The following SLC15A2 variants were observed in gnomAD, a reference collection of about 807,000 sequenced individuals.
SLC15A2 encodes the protein kidney H(+)/peptide cotransporter.
In SLC15A2, 77 loss-of-function variants were observed where a neutral mutation model predicts 95.5. The observed-to-expected ratio is 0.81, with a 90% CI of 0.67 to 0.97. The LOEUF is 0.97. Among genes scored for constraint, SLC15A2 ranks in the 50% least tolerant of loss-of-function variants. The pLI is 0.00. For missense variants in SLC15A2, 893 were observed against 874.4 expected (o/e 1.02, Z -0.27); for synonymous variants, 306 against 306.9 (o/e 1.00, Z 0.03).
At chr3:121,940,695 G>A in intron 21 of SLC15A2, 136 bp from the exon 22 acceptor site, 1 of 955,652 alleles carries the variant, frequency 1.0e-6, no homozygotes, top group South Asian at 1.7e-5. Flanking sequence ...AGAGGCCAGT[G>A]AACCCAGTCT....
Position 121,923,233 on chromosome 3 carries a change from G to T in SLC15A2, c.969G>T (p.Trp323Cys), listed in dbSNP as rs1368622343. ...WALLDQQGSR[W>C]TLQAIRMNRN... ...TCTGTTTGCCCTAGGGTTCACGATG[G>T]ACTTTGCAAGCCATCAGGATGAATA... Residue 323 changes from tryptophan (W) to cysteine (C), a missense_variant, in exon 11 of 22, where the codon TGG (tryptophan) becomes TGT (cysteine). Transcript: ENST00000489711. 1.2e-6 allele frequency: 2 copies of T among 1,613,846 alleles called. No individual in the cohort carries two copies. The highest frequency in any genetic ancestry group is 3.3e-5 in the Admixed American group (2 of 59,992).
At position 121,941,800 on chromosome 3, in the gene SLC15A2, C is replaced by T. The variant is rs1343424676; in HGVS notation, c.*793C>T. ...TTTTACAGAGTACATTCTTCTTAGC[C>T]TCTATGGCGCTGGTCTATGCCCTTC... On this transcript the variant is annotated 3_prime_UTR_variant, in exon 22 of 22. Transcript: ENST00000489711. 6.6e-6 allele frequency: 1 copy of T among 152,182 alleles called. No individual in the cohort carries two copies. The highest frequency in any genetic ancestry group is 2.4e-5 in the African/African-American group (1 of 41,446). The allele number at this position is 152,182 out of a possible 1,614,324, so 9.4% of individuals were successfully genotyped here. A position where few individuals can be genotyped will look rare whatever the true frequency, so the allele number is the denominator to read the frequency against.
chr3:121,914,198 A>C (rs1709831539), intron 5 of SLC15A2, among the ~76,000 whole-genome samples: 1 of 152,220 alleles, frequency 6.6e-6, no homozygotes, highest in African/African-American at 2.4e-5. Context: ...TACAAATTAG[A>C]TAAGTGGAAT....
rs773958851 is a variant in SLC15A2, at chr3:121,928,499, A to G, written c.1285A>G (p.Thr429Ala). Residue 429 changes from threonine (T) to alanine (A), a missense_variant, in exon 15 of 22, where the codon ACA (threonine) becomes GCA (alanine). Physicochemically the swap from Thr to Ala is moderately conservative, Grantham distance 58 (BLOSUM62 0). Coordinates refer to ENST00000489711, the MANE Select transcript of SLC15A2 (RefSeq NM_021082.4). ...TCTGGCAGATGATGAGGTGAAGGTGACAGTGGTGGGAAATGAAAACAATTC... is the reference window on the plus strand; with the variant it reads ...TCTGGCAGATGATGAGGTGAAGGTGGCAGTGGTGGGAAATGAAAACAATTC... ...LNLADDEVKVTVVGNENNSLL... is the reference protein window; with the variant it reads ...LNLADDEVKVAVVGNENNSLL... The G allele has an allele frequency of 6.2e-7, 1 of 1,614,106 alleles. No individual in the cohort carries two copies. The highest frequency in any genetic ancestry group is 8.5e-7 in the Non-Finnish European group (1 of 1,179,926).
chr3:121,899,580 C>T (rs1463440517), intron 3 of SLC15A2, among the ~76,000 whole-genome samples: 1 of 152,114 alleles, frequency 6.6e-6, no homozygotes, highest in East Asian at 1.9e-4. Context: ...CTTTCTCACT[C>T]TTCATTATCA....
At chr3:121,914,385 T>C (rs1709837916) in intron 5 of SLC15A2, among the ~76,000 whole-genome samples, 3 of 152,128 alleles carry the variant, frequency 2.0e-5, no homozygotes, top group Admixed American at 2.0e-4. Context: ...TGGTAACTGC[T>C]CCACAAAGAT....
At chr3:121,924,217 C>T (rs1710065346) in intron 11 of SLC15A2, 134 bp from the exon 12 acceptor site, 1 of 721,588 alleles carries the variant, frequency 1.4e-6, no homozygotes, top group Non-Finnish European at 2.4e-6. Flanking sequence ...AAAATAGTGG[C>T]CCTGAACCAA....
chr3:121,922,945 C>A, intron 9 of SLC15A2, 84 bp downstream of exon 9: 1 of 1,528,502 alleles, frequency 6.5e-7, no homozygotes, highest in Non-Finnish European at 9.0e-7. Flanking sequence ...TGCATTCAAC[C>A]TCCTCTCTAC....
At chr3:121,924,189 C>T (rs544139521) in intron 11 of SLC15A2, among the ~76,000 whole-genome samples, 162 bp from the exon 12 acceptor site, 1 of 152,166 alleles carries the variant, frequency 6.6e-6, no homozygotes, top group Non-Finnish European at 1.5e-5. Context: ...TTCCCATCCC[C>T]CAAATAATCT....
In SLC15A2 at chr3:121,915,498, AG is replaced by A. The variant is rs369910216; in HGVS notation, c.620-115del. The A allele has an allele frequency of 1.5e-3, 1,289 of 832,718 alleles. 19 individuals are homozygous for A. In the African/African-American group the frequency reaches 0.02, roughly 13 times the overall value. The allele number at this position is 832,718 out of a possible 1,614,324, so 51.6% of individuals were successfully genotyped here. The stretch of plus-strand genomic sequence containing the variant: ...TATGGATTAGGTGATGGGAGGAAAG[AG>A]GGTGGTTATGTCTATTCTACAAGCT... On this transcript the variant is annotated intron_variant, in intron 6 of 21. Transcript: ENST00000489711.
At chr3:121,924,217 C>A in intron 11 of SLC15A2, 134 bp from the exon 12 acceptor site, 1 of 721,586 alleles carries the variant, frequency 1.4e-6, no homozygotes, top group Non-Finnish European at 2.4e-6. Context: ...AAAATAGTGG[C>A]CCTGAACCAA....
Position 121,939,416 on chromosome 3 carries a change from G to A in SLC15A2, c.1829G>A (p.Trp610Ter), listed in dbSNP as rs776521660. 2 of 1,581,202 alleles carry A rather than the reference G, an allele frequency of 1.3e-6. No individual in the cohort carries two copies. Among genetic ancestry groups the A allele is most frequent in the South Asian group, 2.3e-5 (2 of 85,748 alleles). The change falls in exon 20 of 22, where the codon TGG (tryptophan) becomes TAG (stop). Residue 610 changes from tryptophan (W) to a stop codon, truncating the protein, a stop_gained. Coordinates refer to ENST00000489711, the MANE Select transcript of SLC15A2 (RefSeq NM_021082.4). LOFTEE classifies it high-confidence loss of function. ...DIPANKMSIA[W>*]QLPQYALVTA... ...CCAGCCAACAAAATGTCCATTGCGT[G>A]GCAGCTACCACAATATGCCCTGGTT... is the stretch of plus-strand genomic sequence containing the variant.
At chr3:121,907,742 G>T (rs966180085) in intron 3 of SLC15A2, among the ~76,000 whole-genome samples, 3 of 152,176 alleles carry the variant, frequency 2.0e-5, no homozygotes, top group Admixed American at 6.5e-5. Flanking sequence ...CCTTCCTCTG[G>T]AAACTTCGTC....
chr3:121,898,771 T>C (rs1400850885), intron 3 of SLC15A2, among the ~76,000 whole-genome samples: 2 of 152,212 alleles, frequency 1.3e-5, no homozygotes, highest in African/African-American at 4.8e-5. Flanking sequence ...CTATGGAATA[T>C]TTTTTCTGGA....
chr3:121,896,999 T>C (rs1709430748), intron 2 of SLC15A2, among the ~76,000 whole-genome samples: 3 of 148,758 alleles, frequency 2.0e-5, no homozygotes, highest in East Asian at 4.2e-4. Context: ...AGCTCTTGGC[T>C]AAGGGCTCAT....
chr3:121,924,682 G>A (rs543493102), intron 12 of SLC15A2, among the ~76,000 whole-genome samples: 1 of 152,324 alleles, frequency 6.6e-6, no homozygotes, highest in Admixed American at 6.5e-5. Flanking sequence ...GAAGTCATGA[G>A]AGGAAAGAGC....
At chr3:121,922,429 A>C (rs568077128) in intron 8 of SLC15A2, 127 bp downstream of exon 8, 1 of 696,194 alleles carries the variant, frequency 1.4e-6, no homozygotes, top group East Asian at 2.7e-5. Flanking sequence ...CATGTTTTTT[A>C]ACAAGCTAAG....
Position 121,942,558 on chromosome 3 carries a change from A to C in SLC15A2, c.*1551A>C, listed in dbSNP as rs762204947. Reference sequence around the variant, plus strand: ...CTTTATATACTTCAGTTTTAATGACAAGCATTTCAGAAATATAAGAGCGGC... The same window carrying C: ...CTTTATATACTTCAGTTTTAATGACCAGCATTTCAGAAATATAAGAGCGGC... On this transcript the variant is annotated 3_prime_UTR_variant, in exon 22 of 22. Coordinates refer to ENST00000489711, the MANE Select transcript of SLC15A2 (RefSeq NM_021082.4). The C allele has an allele frequency of 1.3e-5, 2 of 152,224 alleles. No individual in the cohort carries two copies. Among genetic ancestry groups the C allele is most frequent in the Non-Finnish European group, 2.9e-5 (2 of 68,030 alleles). The allele number at this position is 152,224 out of a possible 1,614,324, so 9.4% of individuals were successfully genotyped here.
chr3:121,922,698 G>A lies in SLC15A2; in HGVS notation c.781-77G>A, dbSNP rs1381909479. ...AGTCACTAGAAGTATGGTGTTTGAA[G>A]GAAGGTATAATAAGTTGGAAAAGGC... On this transcript the variant is annotated intron_variant, in intron 8 of 21. Coordinates refer to ENST00000489711, the MANE Select transcript of SLC15A2 (RefSeq NM_021082.4). The A allele has an allele frequency of 6.3e-6, 6 of 955,268 alleles. No homozygotes were observed. The East Asian group carries it at 1.5e-4, about 24-fold the overall frequency. The allele number at this position is 955,268 out of a possible 1,614,324, so 59.2% of individuals were successfully genotyped here.
Sources: allele counts gnomAD v4.1 joint callset (sites outside exome capture counted in the v4.1 genomes callset), GRCh38; gene constraint gnomAD v4.1.1; transcripts MANE v1.5; gene names NCBI Gene and HGNC (gene_info 2026-07-23, HGNC 2026-07-21).